NCAPH: variants seen among roughly 807,000 people sequenced by gnomAD.
NCAPH encodes the protein non-SMC condensin I complex subunit H, also known as condensin complex subunit 2.
NCAPH carries 38 observed loss-of-function variants against 85.5 expected under a neutral mutation model. That is an observed-to-expected ratio of 0.44 (90% CI 0.34 to 0.58). The LOEUF is 0.58. Among genes scored for constraint, NCAPH ranks in the 20% least tolerant of loss-of-function variants. The pLI is 0.01. For synonymous variants in NCAPH, 301 were observed against 335.1 expected (o/e 0.90, Z 1.11); for missense variants, 789 against 916.6 (o/e 0.86, Z 1.80).
At chr2:96,354,113 C>A in intron 8 of NCAPH, 70 bp from the exon 9 acceptor site, 1 of 1,449,272 alleles carries the variant, frequency 6.9e-7, no homozygotes, top group Non-Finnish European at 9.5e-7. Context: ...GGTGAGAAGG[C>A]TGTCCCTCCA....
Position 96,359,142 on chromosome 2 carries a change from A to G in NCAPH, c.1306A>G (p.Met436Val). 6.2e-7 allele frequency: 1 copy of G among 1,614,238 alleles called. No homozygotes were observed. The highest frequency in any genetic ancestry group is 8.5e-7 in the Non-Finnish European group (1 of 1,180,040). ...GEYSYFSPRT[M>V]SMWAGPDHWR... ...ATATTCTTATTTCAGTCCTCGGACC[A>G]TGTCGATGTGGGCTGGCCCGGATCA... Residue 436 changes from methionine to valine, a missense_variant, in exon 10 of 18, where the codon ATG becomes GTG. By Grantham distance (21) the Met-to-Val change is conservative. Transcript: ENST00000240423.
At chr2:96,369,602 T>C (rs2064745729) in intron 17 of NCAPH, 102 bp downstream of exon 17, 3 of 1,232,892 alleles carry the variant, frequency 2.4e-6, no homozygotes, top group African/African-American at 1.5e-5. Context: ...TAGGATTTCT[T>C]AAATACAGTG....
At chr2:96,369,358 T>C (rs1324805837) in intron 16 of NCAPH, 67 bp from the exon 17 acceptor site, 1 of 1,340,016 alleles carries the variant, frequency 7.5e-7, no homozygotes, top group South Asian at 1.2e-5. Flanking sequence ...GTATTATTCA[T>C]ACTTGATGAA....
rs969458853 is a variant in NCAPH at position 96,343,191 on chromosome 2, G to T, written c.482G>T (p.Ser161Ile). The T allele has an allele frequency of 6.2e-7, 1 of 1,613,900 alleles. No individual in the cohort carries two copies. Among genetic ancestry groups the T allele is most frequent in the African/African-American group, 1.3e-5 (1 of 74,886 alleles). Residue 161 changes from serine (S) to isoleucine (I), a missense_variant, in exon 5 of 18, where the codon AGC (serine) becomes ATC (isoleucine). Physicochemically the swap from Ser to Ile is moderately radical, Grantham distance 142. Coordinates refer to ENST00000240423, the MANE Select transcript of NCAPH (RefSeq NM_015341.5). ...FKVAAGTLDASTKIYAVRVDA... is the reference protein window; with the variant it reads ...FKVAAGTLDAITKIYAVRVDA... ...GTGGCTGCGGGTACTCTGGATGCCAGCACCAAGATCTATGCTGTGCGCGTG... is the reference window on the plus strand; with the variant it reads ...GTGGCTGCGGGTACTCTGGATGCCATCACCAAGATCTATGCTGTGCGCGTG...
chr2:96,344,951 AAAAG>A (rs2064343703), intron 6 of NCAPH, among the ~76,000 whole-genome samples: 1 of 152,216 alleles, frequency 6.6e-6, no homozygotes, highest in South Asian at 2.1e-4. Flanking sequence ...TGCCCTCAAA[AAAAG>A]GTACTAATTT....
intron 9 of NCAPH, among the ~76,000 whole-genome samples, chr2:96,355,450 C>T (rs770779786): frequency 6.6e-6 from 1 of 152,092 alleles, no homozygotes; most frequent in Non-Finnish European, 1.5e-5. Context: ...CAAGACCCTG[C>T]TCGGATGTCT....
intron 9 of NCAPH, 23 bp from the exon 10 acceptor site, chr2:96,359,022 A>C (rs1010808409): frequency 1.2e-6 from 2 of 1,612,172 alleles, no homozygotes; most frequent in Non-Finnish European, 1.7e-6. Context: ...TGTATTGTAC[A>C]TGTACAAATA....
At chr2:96,351,715 G>T in intron 6 of NCAPH, 116 bp from the exon 7 acceptor site, 1 of 729,320 alleles carries the variant, frequency 1.4e-6, no homozygotes, top group Non-Finnish European at 2.0e-6. Context: ...ACCATGAGTG[G>T]AGATATTTCA....
rs1166651233 is a variant in NCAPH, at chr2:96,374,804, C to T, written c.*1453C>T. On this transcript the variant is annotated 3_prime_UTR_variant, in exon 18 of 18. Transcript: ENST00000240423. Reference sequence around the variant, plus strand: ...GGCCAGGTTAGTGCTGGGCTTCTTGCTTTCCTTCTATTCCTGAGAGTAGAA... The same window carrying T: ...GGCCAGGTTAGTGCTGGGCTTCTTGTTTTCCTTCTATTCCTGAGAGTAGAA... Among the ~76,000 whole-genome samples, 1 of 152,116 alleles carries T rather than the reference C, an allele frequency of 6.6e-6. No homozygotes were observed. Among genetic ancestry groups the T allele is most frequent in the African/African-American group, 2.4e-5 (1 of 41,376 alleles).
At chr2:96,353,521 G>A in intron 8 of NCAPH, 124 bp downstream of exon 8, 1 of 870,758 alleles carries the variant, frequency 1.1e-6, no homozygotes, top group Non-Finnish European at 1.8e-6. Context: ...ATTTCCTTTG[G>A]CACTTCTGTA....
rs188729074 is a variant in NCAPH, at chr2:96,368,549, C to T, written c.1999-423C>T. ...GCGGGCACCTGTAATCCCAGCTACT[C>T]GGGAGGCTGAGGCAGGAGAATTGCC... On this transcript the variant is annotated intron_variant, in intron 15 of 17. Transcript: ENST00000240423. Among the ~76,000 whole-genome samples, 1,216 of 152,138 alleles carry T rather than the reference C, an allele frequency of 8.0e-3. 15 individuals carry two copies. Among genetic ancestry groups the T allele is most frequent in the Non-Finnish European group, 0.011 (741 of 67,998 alleles).
intron 13 of NCAPH, 131 bp downstream of exon 13, chr2:96,364,722 A>C: frequency 1.5e-6 from 1 of 667,854 alleles, no homozygotes; most frequent in Non-Finnish European, 2.6e-6. Context: ...TTCTGGGTAA[A>C]GGGTCTGCCT....
intron 9 of NCAPH, among the ~76,000 whole-genome samples, chr2:96,354,946 G>A (rs2064503975): frequency 6.6e-6 from 1 of 152,130 alleles, no homozygotes; most frequent in Non-Finnish European, 1.5e-5. Flanking sequence ...CTTATAGTGT[G>A]GCTGTTGGTG....
In NCAPH at chr2:96,351,935, G is replaced by C. The variant is rs767517892; in HGVS notation, c.825G>C (p.Leu275=). The part of the protein sequence containing the change: ...LHCQDYRSEL[L]FPSDVQTLST... ...GCCAGGACTACAGAAGTGAACTGCT[G>C]TTTCCCTCTGATGTCCAGACTCTCT... is the stretch of plus-strand genomic sequence containing the variant. Residue 275 remains leucine, a synonymous_variant, in exon 7 of 18, where the codon CTG becomes CTC. Coordinates refer to ENST00000240423, the MANE Select transcript of NCAPH (RefSeq NM_015341.5). 47 of 1,614,072 alleles carry C rather than the reference G, an allele frequency of 2.9e-5. No individual in the cohort carries two copies. The highest frequency in any genetic ancestry group is 3.7e-5 in the Non-Finnish European group (44 of 1,180,034).
intron 1 of NCAPH, among the ~76,000 whole-genome samples, chr2:96,337,373 A>C (rs1006465329): frequency 2.6e-5 from 4 of 152,198 alleles, no homozygotes; most frequent in Non-Finnish European, 5.9e-5. Flanking sequence ...TTCAGTTTCT[A>C]AAAATGTCTC....
chr2:96,359,728 G>A (rs922123334), intron 10 of NCAPH, among the ~76,000 whole-genome samples: 2 of 152,184 alleles, frequency 1.3e-5, no homozygotes, highest in Admixed American at 6.5e-5. Flanking sequence ...GGGCTTAAGC[G>A]TCCTCCCACC....
In NCAPH at chr2:96,376,585, G is replaced by C. The variant is rs1361033122; in HGVS notation, c.*3234G>C. ...TGTGGTGCAACTATAGTGGATCACAGGCAGAGTGGGGCATTGTTCCCCTTC... is the reference window on the plus strand; with the variant it reads ...TGTGGTGCAACTATAGTGGATCACACGCAGAGTGGGGCATTGTTCCCCTTC... On this transcript the variant is annotated 3_prime_UTR_variant, in exon 18 of 18. Transcript: ENST00000240423. Among the ~76,000 whole-genome samples, 1 of 152,182 alleles carries C rather than the reference G, an allele frequency of 6.6e-6. No individual in the cohort carries two copies. Among genetic ancestry groups the C allele is most frequent in the African/African-American group, 2.4e-5 (1 of 41,442 alleles).
intron 15 of NCAPH, 54 bp from the exon 16 acceptor site, chr2:96,368,914 TGCCC>T: frequency 6.8e-7 from 1 of 1,463,932 alleles, no homozygotes; most frequent in Admixed American, 2.3e-5. Context: ...TTATTTTTGT[TGCCC>T]TTTCAAAAGT....
intron 4 of NCAPH, 55 bp downstream of exon 4, chr2:96,342,903 C>A: frequency 6.8e-7 from 1 of 1,469,318 alleles, no homozygotes; most frequent in Non-Finnish European, 9.5e-7. Context: ...ATGATTTCTA[C>A]TACTTGGCAT....
Sources: gnomAD v4.1 joint callset for allele counts (sites outside exome capture counted in the v4.1 genomes callset) on GRCh38, gnomAD v4.1.1 for gene constraint, MANE v1.5 for transcripts, NCBI Gene and HGNC (gene_info 2026-07-23, HGNC 2026-07-21) for gene names.